P4HA3: variants seen among roughly 807,000 people sequenced by gnomAD.
P4HA3 encodes prolyl 4-hydroxylase subunit alpha 3, also known as prolyl 4-hydroxylase subunit alpha-3.
P4HA3 carries 60 observed loss-of-function variants against 66.7 expected under a neutral mutation model. That is an observed-to-expected ratio of 0.90 (90% CI 0.73 to 1.12). The LOEUF (loss-of-function observed/expected upper bound fraction) is 1.12, where lower values mean the gene tolerates loss of function less well. Ranked by LOEUF, P4HA3 falls within the 50% of genes most tolerant of loss-of-function variation. P4HA3 has a pLI of 0.00. For missense variants in P4HA3, 683 were observed against 685.8 expected (o/e 1.00, Z 0.05); for synonymous variants, 263 against 274.6 (o/e 0.96, Z 0.42).
intron 4 of P4HA3, among the ~76,000 whole-genome samples, 189 bp downstream of exon 4, chr11:74,298,023 T>G (rs946342323): frequency 2.0e-5 from 3 of 152,206 alleles, no homozygotes; most frequent in Admixed American, 2.0e-4. Flanking sequence ...AAGTTAATAG[T>G]CTTTTGGAGA....
At chr11:74,285,194 A>G (rs998164009) in intron 7 of P4HA3, among the ~76,000 whole-genome samples, 1 of 152,170 alleles carries the variant, frequency 6.6e-6, no homozygotes, top group African/African-American at 2.4e-5. Context: ...AACCACAGAA[A>G]GTAAAATTGC....
intron 12 of P4HA3, 22 bp downstream of exon 12, chr11:74,268,123 T>C: frequency 6.2e-7 from 1 of 1,601,048 alleles, no homozygotes; most frequent in African/African-American, 1.3e-5. Context: ...CCCCTTCTCA[T>C]GCCCAGAAAG....
chr11:74,311,365 G>A (rs1346077701), intron 1 of P4HA3, 47 bp downstream of exon 1: 1 of 1,448,302 alleles, frequency 6.9e-7, no homozygotes, highest in Non-Finnish European at 9.0e-7. Flanking sequence ...GCGGCACAGT[G>A]TATCCCACTG....
chr11:74,307,972 A>C (rs924171460), intron 1 of P4HA3, among the ~76,000 whole-genome samples: 3 of 152,154 alleles, frequency 2.0e-5, no homozygotes, highest in Non-Finnish European at 4.4e-5. Context: ...AGCAACAACA[A>C]AAGCTAGGAT....
intron 8 of P4HA3, 30 bp from the exon 9 acceptor site, chr11:74,277,174 T>C: frequency 6.3e-7 from 1 of 1,589,364 alleles, no homozygotes; most frequent in East Asian, 2.3e-5. Flanking sequence ...GAAGCATCAA[T>C]GATCTGTTGC....
intron 9 of P4HA3, 46 bp downstream of exon 9, chr11:74,276,939 C>A: frequency 6.4e-7 from 1 of 1,561,290 alleles, no homozygotes; most frequent in East Asian, 2.3e-5. Context: ...ATAAATAATG[C>A]CCTGGCTCCC....
chr11:74,270,128 A>C (rs187732568), intron 10 of P4HA3, among the ~76,000 whole-genome samples: 1 of 152,252 alleles, frequency 6.6e-6, no homozygotes, highest in Admixed American at 6.5e-5. Context: ...AACATTCTTA[A>C]TATCTGAGAT....
intron 1 of P4HA3, among the ~76,000 whole-genome samples, chr11:74,310,886 C>T (rs184834374): frequency 6.6e-6 from 1 of 152,182 alleles, no homozygotes; most frequent in Non-Finnish European, 1.5e-5. Context: ...GTTTCACGAT[C>T]CCCCCTTGAA....
chr11:74,277,090 A>T lies in P4HA3; in HGVS notation c.1230T>A (p.Ile410=). The part of the protein sequence containing the change: ...DPKLVTLNHR[I]AALTGLDVRP... ...GGACATCAAGGCCTGTGAGGGCAGC[A>T]ATGCGGTGGTTGAGGGTCACCAGTT... The change falls in exon 9 of 13, where the codon ATT becomes ATA. Residue 410 remains isoleucine, a synonymous_variant. Transcript: ENST00000331597. 6.2e-7 allele frequency: 1 copy of T among 1,614,118 alleles called. No individual in the cohort carries two copies. The highest frequency in any genetic ancestry group is 8.5e-7 in the Non-Finnish European group (1 of 1,179,998).
chr11:74,256,625 C>G (rs766716462), intron 15 of P4HA3, among the ~76,000 whole-genome samples: 1 of 152,152 alleles, frequency 6.6e-6, no homozygotes, highest in Non-Finnish European at 1.5e-5. Flanking sequence ...GCCTACAGAT[C>G]AGCATGTATG....
Position 74,251,466 on chromosome 11 carries a change from T to G in P4HA3, c.*1319-3465A>C, listed in dbSNP as rs565099389. On this transcript the variant is annotated intron_variant and NMD_transcript_variant, in intron 15 of 15. Coordinates refer to the P4HA3 transcript ENST00000524388. ...TCTATGGAGCTATCCCTGGCAAGGA[T>G]AGTGGGGAGGAGTCTTCTAGCTCTG... 20 of 1,428,264 alleles carry G rather than the reference T, an allele frequency of 1.4e-5. No individual in the cohort carries two copies. In the Admixed American group the frequency reaches 5.8e-4, roughly 42 times the overall value. 88.5% of individuals were successfully genotyped at this position (1,428,264 alleles called of 1,614,324 possible).
intron 7 of P4HA3, among the ~76,000 whole-genome samples, chr11:74,282,422 C>G (rs553362134): frequency 1.3e-5 from 2 of 152,294 alleles, no homozygotes; most frequent in Admixed American, 6.5e-5. Flanking sequence ...TTATGAGGGA[C>G]AGGGAGTCTT....
intron 15 of P4HA3, among the ~76,000 whole-genome samples, chr11:74,255,460 C>T (rs1029602528): frequency 6.6e-6 from 1 of 152,178 alleles, no homozygotes; most frequent in Non-Finnish European, 1.5e-5. Context: ...GCCAGAGTGT[C>T]TAAATTAGAA....
chr11:74,260,591 G>A (rs1478435658), intron 14 of P4HA3, among the ~76,000 whole-genome samples: 1 of 152,150 alleles, frequency 6.6e-6, no homozygotes, highest in East Asian at 1.9e-4. Flanking sequence ...CATAAAGTTA[G>A]ACAAAATCTT....
At chr11:74,254,932 T>G (rs1200363123) in intron 15 of P4HA3, among the ~76,000 whole-genome samples, 1 of 152,222 alleles carries the variant, frequency 6.6e-6, no homozygotes, top group African/African-American at 2.4e-5. Flanking sequence ...AATTATCGGC[T>G]GTGTCGACTT....
Position 74,268,240 on chromosome 11 carries a change from T to A in P4HA3, c.1469A>T (p.Asn490Ile), listed in dbSNP as rs759133365. Reference sequence around the variant, plus strand: ...CAGGTTCCACCAAAACAGTGCTGCATTCTGAAACAAGAGGGCCCAGCCCCA... The same window carrying A: ...CAGGTTCCACCAAAACAGTGCTGCAATCTGAAACAAGAGGGCCCAGCCCCA... ...YANLSVPVVR[N>I]AALFWWNLHR... The change falls in exon 12 of 13, where the codon AAT becomes ATT. Residue 490 changes from asparagine to isoleucine, a missense_variant and splice_region_variant. Coordinates refer to ENST00000331597, the MANE Select transcript of P4HA3 (RefSeq NM_182904.5). The A allele has an allele frequency of 1.9e-6, 3 of 1,613,248 alleles. No individual in the cohort carries two copies. Among genetic ancestry groups the A allele is most frequent in the Non-Finnish European group, 2.5e-6 (3 of 1,179,628 alleles).
chr11:74,280,470 T>G (rs1383825798), intron 7 of P4HA3, among the ~76,000 whole-genome samples: 1 of 152,166 alleles, frequency 6.6e-6, no homozygotes, highest in East Asian at 1.9e-4. Flanking sequence ...TAAATTATTT[T>G]TAAATAAAGT....
intron 11 of P4HA3, 96 bp downstream of exon 11, chr11:74,269,556 C>T (rs1019934913): frequency 1.5e-6 from 2 of 1,330,418 alleles, no homozygotes; most frequent in Admixed American, 2.3e-5. Context: ...TGGCCCTCCT[C>T]CCAGGAATGG....
chr11:74,260,841 T>G (rs1159736624), intron 14 of P4HA3, among the ~76,000 whole-genome samples: 1 of 152,166 alleles, frequency 6.6e-6, no homozygotes, highest in African/African-American at 2.4e-5. Flanking sequence ...CATATGGACC[T>G]CCTTATCCTT....
Sources: gnomAD v4.1 joint callset for allele counts (sites outside exome capture counted in the v4.1 genomes callset) on GRCh38, gnomAD v4.1.1 for gene constraint, MANE v1.5 for transcripts, NCBI Gene and HGNC (gene_info 2026-07-23, HGNC 2026-07-21) for gene names.